MACROD2: variants seen among roughly 807,000 people sequenced by gnomAD.
MACROD2 encodes the protein ADP-ribose glycohydrolase MACROD2.
A neutral mutation model predicts 70.4 loss-of-function variants in MACROD2; 36 were observed. The observed-to-expected ratio is 0.51, with a 90% CI of 0.39 to 0.68. The LOEUF (loss-of-function observed/expected upper bound fraction) is 0.68. Among genes scored for constraint, MACROD2 ranks in the 30% least tolerant of loss-of-function variants. The pLI is 0.00. For missense variants in MACROD2, 496 were observed against 538.4 expected (o/e 0.92, Z 0.78); for synonymous variants, 172 against 178.8 (o/e 0.96, Z 0.30).
chr20:15,800,468 G>A (rs2063714000), intron 8 of MACROD2, among the ~76,000 whole-genome samples: 3 of 152,166 alleles, frequency 2.0e-5, no homozygotes, highest in Non-Finnish European at 2.9e-5. Flanking sequence ...TTGTATAAGA[G>A]ATAAAGGTCT....
chr20:14,383,202 T>C (rs2083439526), intron 3 of MACROD2, among the ~76,000 whole-genome samples: 1 of 152,290 alleles, frequency 6.6e-6, no homozygotes, highest in African/African-American at 2.4e-5. Flanking sequence ...ACCATGGAAG[T>C]CCACATATAG....
At chr20:14,157,064 T>C (rs1336523173) in intron 3 of MACROD2, among the ~76,000 whole-genome samples, 2 of 152,146 alleles carry the variant, frequency 1.3e-5, no homozygotes, top group African/African-American at 4.8e-5. Context: ...AAACTGGTAT[T>C]TAGATGAAAT....
intron 8 of MACROD2, among the ~76,000 whole-genome samples, chr20:15,785,052 T>G (rs927988331): frequency 1.3e-5 from 2 of 148,404 alleles, no homozygotes; most frequent in Admixed American, 6.9e-5. Context: ...CTCGGGAGGC[T>G]GAGGCAGGAG....
chr20:15,497,301 C>CT lies in MACROD2; in HGVS notation c.572-2464dup, dbSNP rs377303658. On this transcript the variant is annotated intron_variant, in intron 7 of 17. Transcript: ENST00000684519. ...TGCCCATCCTGGCCTCCTTCTCCTT[C>CT]TTTTTTTTTGAGACAGAGTCTTGCT... 1.7e-4 allele frequency among the ~76,000 whole-genome samples: 25 copies of CT among 151,486 alleles called. No homozygotes were observed. The East Asian group carries it at 2.9e-3, about 18-fold the overall frequency.
At chr20:14,842,530 T>C (rs965047075) in intron 5 of MACROD2, among the ~76,000 whole-genome samples, 1 of 152,142 alleles carries the variant, frequency 6.6e-6, no homozygotes, top group Non-Finnish European at 1.5e-5. Flanking sequence ...TGAGGAAATA[T>C]AAAGTGTATG....
At chr20:15,207,113 A>G (rs996147319) in intron 5 of MACROD2, among the ~76,000 whole-genome samples, 21 of 152,134 alleles carry the variant, frequency 1.4e-4, no homozygotes, top group Admixed American at 3.9e-4. Context: ...ATGAAGCACA[A>G]TTAGTTCTTC....
intron 4 of MACROD2, among the ~76,000 whole-genome samples, chr20:14,570,414 T>A (rs1423637864): frequency 6.6e-6 from 1 of 151,932 alleles, no homozygotes; most frequent in Non-Finnish European, 1.5e-5. Context: ...TTGATCTAGG[T>A]GTTGGTTACC....
intron 6 of MACROD2, among the ~76,000 whole-genome samples, chr20:15,369,368 TC>T (rs1333099231): frequency 6.6e-6 from 1 of 152,220 alleles, no homozygotes; most frequent in Non-Finnish European, 1.5e-5. Context: ...ACAGCAGACT[TC>T]TGACAGCTTA....
At chr20:14,967,397 C>A (rs1206041407) in intron 5 of MACROD2, among the ~76,000 whole-genome samples, 1 of 152,134 alleles carries the variant, frequency 6.6e-6, no homozygotes, top group Admixed American at 6.5e-5. Flanking sequence ...TTCCTGAACT[C>A]AGGCAATCCG....
At chr20:14,036,916 G>A (rs1273286206) in intron 2 of MACROD2, among the ~76,000 whole-genome samples, 1 of 152,174 alleles carries the variant, frequency 6.6e-6, no homozygotes, top group African/African-American at 2.4e-5. Flanking sequence ...AGTAATTATG[G>A]AATTAGTTTT....
chr20:14,451,004 G>T (rs148667333), intron 3 of MACROD2, among the ~76,000 whole-genome samples: 35 of 152,212 alleles, frequency 2.3e-4, no homozygotes, highest in Non-Finnish European at 4.1e-4. Context: ...GGAAGATAAT[G>T]AAAATGTGAC....
chr20:15,643,219 A>G lies in MACROD2; in HGVS notation c.645+143372A>G, dbSNP rs140020966. Among the ~76,000 whole-genome samples the G allele has an allele frequency of 1.6e-3, 246 of 152,058 alleles. 2 individuals are homozygous for G. Among genetic ancestry groups the G allele is most frequent in the Admixed American group, 3.0e-3 (46 of 15,276 alleles). On this transcript the variant is annotated intron_variant, in intron 8 of 17. Transcript: ENST00000684519. ...TGCTTACATGTTAATCTCACCTTCTACCCTCAACCTTGTTCCCCATGCTGT... is the reference window on the plus strand; with the variant it reads ...TGCTTACATGTTAATCTCACCTTCTGCCCTCAACCTTGTTCCCCATGCTGT...
At chr20:15,512,315 A>G (rs2047510576) in intron 8 of MACROD2, among the ~76,000 whole-genome samples, 1 of 152,268 alleles carries the variant, frequency 6.6e-6, no homozygotes, top group Admixed American at 6.5e-5. Context: ...TAAACAGTAG[A>G]GGCCTTTTGC....
chr20:14,791,905 TTAA>T (rs1338342600), intron 5 of MACROD2, among the ~76,000 whole-genome samples: 3 of 151,960 alleles, frequency 2.0e-5, no homozygotes, highest in Non-Finnish European at 2.9e-5. Flanking sequence ...TTTTGAAATG[TTAA>T]TAATAATCCA....
In MACROD2 at chr20:14,704,807, C is replaced by T. The variant is rs576454284; in HGVS notation, c.418+19848C>T. Among the ~76,000 whole-genome samples, 8 of 152,230 alleles carry T rather than the reference C, an allele frequency of 5.3e-5. No homozygotes were observed. In the South Asian group the frequency reaches 1.2e-3, roughly 24 times the overall value. On this transcript the variant is annotated intron_variant, in intron 5 of 17. Coordinates refer to ENST00000684519, the MANE Select transcript of MACROD2 (RefSeq NM_001351661.2). ...ATGCAACATCACATATGATTATATG[C>T]GTGTTCTTTTTTTAAATTTTATTTC...
At chr20:14,608,078 C>T (rs2123421175) in intron 4 of MACROD2, among the ~76,000 whole-genome samples, 1 of 152,010 alleles carries the variant, frequency 6.6e-6, no homozygotes, top group East Asian at 1.9e-4. Context: ...TATGGTGAAA[C>T]CTCGTCTCTA....
intron 3 of MACROD2, among the ~76,000 whole-genome samples, chr20:14,188,599 C>T (rs2081362357): frequency 6.6e-6 from 1 of 151,888 alleles, no homozygotes; most frequent in South Asian, 2.1e-4. Context: ...TTTCAGTTTC[C>T]CCACATGGAA....
chr20:15,231,258 G>C (rs2076956787), intron 6 of MACROD2, among the ~76,000 whole-genome samples: 1 of 151,882 alleles, frequency 6.6e-6, no homozygotes, highest in South Asian at 2.1e-4. Context: ...TTCGCAAATG[G>C]CTCAATACAT....
intron 5 of MACROD2, among the ~76,000 whole-genome samples, chr20:14,696,098 A>G (rs887418176): frequency 5.3e-5 from 8 of 152,308 alleles, no homozygotes; most frequent in South Asian, 2.1e-4. Context: ...TTATACAACC[A>G]AAGCCCTTTG....
Sources: gnomAD v4.1 joint callset for allele counts (sites outside exome capture counted in the v4.1 genomes callset) on GRCh38, gnomAD v4.1.1 for gene constraint, MANE v1.5 for transcripts, NCBI Gene and HGNC (gene_info 2026-07-23, HGNC 2026-07-21) for gene names.